The following ONECUT1 variants were observed in gnomAD, a reference collection of about 807,000 sequenced individuals.
The protein encoded by ONECUT1 is one cut homeobox 1.
Under a neutral mutation model 25.6 loss-of-function variants are expected in ONECUT1, and 12 were observed. That is an observed-to-expected ratio of 0.47 (90% CI 0.30 to 0.76). The LOEUF (loss-of-function observed/expected upper bound fraction) is 0.76, where lower values mean the gene tolerates loss of function less well. Ranked by LOEUF, ONECUT1 falls within the 30% of genes least tolerant of loss-of-function variation. ONECUT1 has a pLI of 0.07. For missense variants in ONECUT1, 620 were observed against 651.2 expected, an observed-to-expected ratio of 0.95 and a Z score of 0.52; for synonymous variants, 285 against 270.2, an observed-to-expected ratio of 1.05 and a Z score of -0.54.
chr15:52,785,865 G>T (rs1328464034), intron 1 of ONECUT1: 1 of 152,234 alleles, frequency 6.6e-6, no homozygotes, highest in Non-Finnish European at 1.5e-5. Flanking sequence ...TGACCGGAAG[G>T]CGCCTCCCCA....
In ONECUT1 at chr15:52,789,119, G is replaced by C; in HGVS notation, c.766C>G (p.Leu256Val). ...AGTTGCCCGTGGCCCTGGGCGTTCA[G>C]GTGGGCGTGGGGATGGTGCGGAGGA... ...GLPPHHPHAH[L>V]NAQGHGQLLG... Residue 256 changes from leucine to valine, a missense_variant, in exon 1 of 2, where the codon CTG becomes GTG. Around this residue, in one of 4 missense-constraint regions of ONECUT1, gnomAD observed 440 missense variants for 404.9 expected, o/e 1.09. Coordinates refer to ENST00000305901, the MANE Select transcript of ONECUT1 (RefSeq NM_004498.4). The surrounding 1 kb of genome is among the most constrained non-coding windows in gnomAD (Gnocchi z 4.1). 1 of 1,601,040 alleles carries C rather than the reference G, an allele frequency of 6.2e-7. No homozygotes were observed. The highest frequency in any genetic ancestry group is 2.2e-5 in the East Asian group (1 of 44,860).
Position 52,789,596 on chromosome 15 carries a change from T to C in ONECUT1, c.289A>G (p.Met97Val), listed in dbSNP as rs1566996267. Residue 97 changes from methionine (M) to valine (V), a missense_variant, in exon 1 of 2, where the codon ATG (methionine) becomes GTG (valine). Coordinates refer to ENST00000305901, the MANE Select transcript of ONECUT1 (RefSeq NM_004498.4). The surrounding 1 kb of genome is among the most constrained non-coding windows in gnomAD (Gnocchi z 4.1). ...MTMACETPPG[M>V]SMPTTYTTLT... ...GTGGTGTAGGTGGTGGGCATGCTCA[T>C]ACCTGGGGGAGTCTCGCAGGCCATG... The C allele has an allele frequency of 1.3e-6, 2 of 1,569,702 alleles. No homozygotes were observed. Among genetic ancestry groups the C allele is most frequent in the Admixed American group, 3.5e-5 (2 of 56,580 alleles).
At chr15:52,777,735 C>CAT (rs1339746053) in intron 1 of ONECUT1, among the ~76,000 whole-genome samples, 1 of 90,938 alleles carries the variant, frequency 1.1e-5, no homozygotes, top group African/African-American at 7.5e-5. Context: ...CACACACACA[C>CAT]ACAAAAAAAC....
chr15:52,786,152 A>G (rs890023195), intron 1 of ONECUT1, among the ~76,000 whole-genome samples: 1 of 152,250 alleles, frequency 6.6e-6, no homozygotes, highest in Non-Finnish European at 1.5e-5. Flanking sequence ...TCTGCAATCC[A>G]TTTTAAGGCT....
chr15:52,777,692 T>C (rs2141457939), intron 1 of ONECUT1, among the ~76,000 whole-genome samples: 1 of 129,318 alleles, frequency 7.7e-6, no homozygotes, highest in South Asian at 2.4e-4. Context: ...TCCTCCTTCC[T>C]GGAAAACACA....
intron 1 of ONECUT1, chr15:52,780,476 C>T: frequency 2.0e-6 from 2 of 991,160 alleles, no homozygotes; most frequent in Non-Finnish European, 2.9e-6. Context: ...CTTAGTTAAC[C>T]GCATTAGTGT....
chr15:52,776,863 G>A (rs547209888), intron 1 of ONECUT1, among the ~76,000 whole-genome samples: 1 of 152,332 alleles, frequency 6.6e-6, no homozygotes, highest in East Asian at 1.9e-4. Flanking sequence ...TTTGAGTGAT[G>A]TAACATGGCC....
In ONECUT1 at chr15:52,789,761, C is replaced by T. The variant is rs766649325; in HGVS notation, c.124G>A (p.Gly42Ser). Residue 42 changes from glycine (G) to serine (S), a missense_variant, in exon 1 of 2, where the codon GGC (glycine) becomes AGC (serine). Coordinates refer to ENST00000305901, the MANE Select transcript of ONECUT1 (RefSeq NM_004498.4). This position sits in a 1 kb window ranked among gnomAD's most constrained non-coding sequence, Gnocchi z 4.1. ...PHARSSVAHR[G>S]SHLPPAHPRS... The stretch of plus-strand genomic sequence containing the variant: ...GGGTGCGCGGGGGGCAGGTGGCTGC[C>T]GCGGTGCGCCACGGAGCTGCGCGCG... 2 of 1,403,142 alleles carry T rather than the reference C, an allele frequency of 1.4e-6. No individual in the cohort carries two copies. Among genetic ancestry groups the T allele is most frequent in the Non-Finnish European group, 1.8e-6 (2 of 1,089,358 alleles). 86.9% of individuals were successfully genotyped at this position (1,403,142 alleles called of 1,614,324 possible).
chr15:52,786,192 G>A (rs1164183792), intron 1 of ONECUT1, among the ~76,000 whole-genome samples: 1 of 152,222 alleles, frequency 6.6e-6, no homozygotes, highest in Admixed American at 6.5e-5. Flanking sequence ...AGATCATTTG[G>A]AAAGTTCAGA....
intron 1 of ONECUT1, among the ~76,000 whole-genome samples, chr15:52,781,819 G>A (rs1429823786): frequency 1.3e-5 from 2 of 152,148 alleles, no homozygotes; most frequent in Admixed American, 6.5e-5. Flanking sequence ...TGATTCCAAT[G>A]TATAGCAAGA....
intron 1 of ONECUT1, among the ~76,000 whole-genome samples, chr15:52,769,463 TG>T (rs1405012274): frequency 6.6e-6 from 1 of 152,202 alleles, no homozygotes; most frequent in Admixed American, 6.5e-5. Context: ...AGTAGTTTAA[TG>T]GCACCATGGG....
chr15:52,775,760 T>G (rs1421150924), intron 1 of ONECUT1, among the ~76,000 whole-genome samples: 1 of 152,158 alleles, frequency 6.6e-6, no homozygotes, highest in Admixed American at 6.5e-5. Flanking sequence ...GAAAGTAAAA[T>G]GTGTTTTCTT....
At chr15:52,765,915 A>G (rs2083731456) in intron 1 of ONECUT1, among the ~76,000 whole-genome samples, 1 of 152,242 alleles carries the variant, frequency 6.6e-6, no homozygotes, top group Admixed American at 6.5e-5. Context: ...ACGGCCAAGG[A>G]AATCCTTTGC....
chr15:52,772,277 C>T (rs973925756), intron 1 of ONECUT1, among the ~76,000 whole-genome samples: 6 of 151,932 alleles, frequency 3.9e-5, no homozygotes, highest in Non-Finnish European at 7.4e-5. Context: ...ACCTGTAGTC[C>T]CAGCTACTTG....
At chr15:52,771,010 G>T (rs749231693) in intron 1 of ONECUT1, among the ~76,000 whole-genome samples, 5 of 152,150 alleles carry the variant, frequency 3.3e-5, no homozygotes, top group Non-Finnish European at 5.9e-5. Flanking sequence ...TCTGAAAGAT[G>T]ATCTGCATTT....
intron 1 of ONECUT1, among the ~76,000 whole-genome samples, chr15:52,762,793 T>C (rs1192888985): frequency 6.6e-6 from 1 of 152,190 alleles, no homozygotes; most frequent in Non-Finnish European, 1.5e-5. Context: ...GAGTCACCGA[T>C]GACCAGGGGA....
chr15:52,786,160 G>A (rs1273186190), intron 1 of ONECUT1, among the ~76,000 whole-genome samples: 1 of 152,218 alleles, frequency 6.6e-6, no homozygotes, highest in East Asian at 1.9e-4. Context: ...CCATTTTAAG[G>A]CTCATGCACT....
In ONECUT1 at chr15:52,777,731, C is replaced by CA. The variant is rs1370694948; in HGVS notation, c.1105+11048dup. 3.4e-4 allele frequency among the ~76,000 whole-genome samples: 29 copies of CA among 84,230 alleles called. 1 individual carries two copies. Among genetic ancestry groups the CA allele is most frequent in the East Asian group, 1.8e-3 (3 of 1,622 alleles). The allele number at this position is 84,230 out of a possible 152,430, so 55.3% of individuals were successfully genotyped here. On this transcript the variant is annotated intron_variant, in intron 1 of 1. Coordinates refer to ENST00000305901, the MANE Select transcript of ONECUT1 (RefSeq NM_004498.4). ...ACACACACACACACACACACACACA[C>CA]ACACACAAAAAAACATGTAAAGTTA...
intron 1 of ONECUT1, among the ~76,000 whole-genome samples, chr15:52,762,398 T>A (rs1274089558): frequency 6.6e-6 from 1 of 152,258 alleles, no homozygotes; most frequent in Non-Finnish European, 1.5e-5. Context: ...CACAGCTAAT[T>A]CTGTTTCTCA....
Sources: allele counts gnomAD v4.1 joint callset (sites outside exome capture counted in the v4.1 genomes callset), GRCh38; gene constraint gnomAD v4.1.1; regional missense constraint gnomAD v4.1.1; non-coding constraint Gnocchi (gnomAD v3.1); transcripts MANE v1.5; gene names NCBI Gene and HGNC (gene_info 2026-07-23, HGNC 2026-07-21).